Variants in LIPA observed in about 807,000 individuals in gnomAD.
The protein encoded by LIPA is lipase A, lysosomal acid type.
In LIPA, 26 loss-of-function variants were observed where a neutral mutation model predicts 40.6. The observed-to-expected ratio is 0.64, with a 90% CI of 0.47 to 0.89. LIPA has a LOEUF of 0.89. Among genes scored for constraint, LIPA ranks in the 40% least tolerant of loss-of-function variants. LIPA has a pLI of 0.00. For missense variants in LIPA, 455 were observed against 479.6 expected, an observed-to-expected ratio of 0.95 and a Z score of 0.48; for synonymous variants, 188 against 168.4, an observed-to-expected ratio of 1.12 and a Z score of -0.90.
At chr10:89,337,020 AT>A (rs1843752856) in intron 1 of LIPA, among the ~76,000 whole-genome samples, 1 of 152,320 alleles carries the variant, frequency 6.6e-6, no homozygotes, top group Admixed American at 6.5e-5. Context: ...AAATGAGTCC[AT>A]TTTGTTTGTT....
intron 3 of LIPA, among the ~76,000 whole-genome samples, chr10:89,236,487 T>A (rs568554871): frequency 1.3e-4 from 20 of 152,344 alleles, no homozygotes; most frequent in Admixed American, 1.2e-3. Context: ...AAACCTTGAA[T>A]AACACCATTG....
intron 2 of LIPA, among the ~76,000 whole-genome samples, chr10:89,370,745 TG>T (rs1164258580): frequency 6.6e-6 from 1 of 152,120 alleles, no homozygotes; most frequent in Non-Finnish European, 1.5e-5. Context: ...GGGCCAAGTG[TG>T]GTGGCTCATG....
At chr10:89,326,474 T>C (rs915148491) in intron 1 of LIPA, among the ~76,000 whole-genome samples, 1 of 152,172 alleles carries the variant, frequency 6.6e-6, no homozygotes, top group African/African-American at 2.4e-5. Flanking sequence ...GGATGGTTAA[T>C]GGGTACAAAA....
chr10:89,358,302 T>G (rs547503287), intron 2 of LIPA, among the ~76,000 whole-genome samples: 2 of 152,292 alleles, frequency 1.3e-5, no homozygotes, highest in East Asian at 3.9e-4. Context: ...CTGATGAGGA[T>G]GCAGAGAATG....
chr10:89,266,436 C>G (rs1432310046), intron 1 of LIPA, among the ~76,000 whole-genome samples: 1 of 152,170 alleles, frequency 6.6e-6, no homozygotes, highest in Non-Finnish European at 1.5e-5. Flanking sequence ...GTTCAGTGTA[C>G]ACAAACATTA....
At chr10:89,356,783 C>A (rs760410836) in intron 2 of LIPA, among the ~76,000 whole-genome samples, 33 of 152,206 alleles carry the variant, frequency 2.2e-4, no homozygotes, top group Non-Finnish European at 3.7e-4. Context: ...CTGAAACCAT[C>A]CCTGCCCAGT....
chr10:89,349,175 G>T (rs533152861), intron 2 of LIPA, among the ~76,000 whole-genome samples: 1 of 152,166 alleles, frequency 6.6e-6, no homozygotes, highest in Non-Finnish European at 1.5e-5. Flanking sequence ...CAACCAGGAA[G>T]ATTAAACTTG....
At chr10:89,236,707 A>G (rs904444946) in intron 3 of LIPA, among the ~76,000 whole-genome samples, 3 of 152,188 alleles carry the variant, frequency 2.0e-5, no homozygotes, top group African/African-American at 7.2e-5. Context: ...TGCAGCTATG[A>G]CAGCAAGTGC....
Position 89,214,811 on chromosome 10 carries a change from C to T in LIPA, c.*17G>A, listed in dbSNP as rs1481577679. 7.1e-6 allele frequency: 10 copies of T among 1,398,710 alleles called. No homozygotes were observed. Among genetic ancestry groups the T allele is most frequent in the African/African-American group, 1.4e-5 (1 of 70,600 alleles). The allele number at this position is 1,398,710 out of a possible 1,614,324, so 86.6% of individuals were successfully genotyped here. A position where few individuals can be genotyped will look rare whatever the true frequency, so the allele number is the denominator to read the frequency against. Reference sequence around the variant, plus strand: ...ACATAATCATTGACTTGGTGGTACACAGCTCAAGTCCAGCTTTCACTGATA... The same window carrying T: ...ACATAATCATTGACTTGGTGGTACATAGCTCAAGTCCAGCTTTCACTGATA... On this transcript the variant is annotated 3_prime_UTR_variant, in exon 10 of 10. Coordinates refer to ENST00000336233, the MANE Select transcript of LIPA (RefSeq NM_000235.4).
At chr10:89,366,542 G>C (rs891744424) in intron 2 of LIPA, among the ~76,000 whole-genome samples, 21 of 152,212 alleles carry the variant, frequency 1.4e-4, no homozygotes, top group African/African-American at 4.6e-4. Context: ...CTCAAAAGAA[G>C]ACATTTATGC....
intron 1 of LIPA, chr10:89,339,872 C>T (rs777496482): frequency 1.9e-6 from 3 of 1,614,096 alleles, no homozygotes; most frequent in African/African-American, 2.7e-5. Context: ...CAGAATGTAT[C>T]TGAAAATCTG....
chr10:89,241,901 T>A (rs1842969429), intron 3 of LIPA, among the ~76,000 whole-genome samples: 1 of 152,166 alleles, frequency 6.6e-6, no homozygotes, highest in African/African-American at 2.4e-5. Context: ...GATCACTGAA[T>A]CTGTAGTCAG....
chr10:89,276,370 A>T (rs928934767), intron 1 of LIPA, among the ~76,000 whole-genome samples: 3 of 152,234 alleles, frequency 2.0e-5, no homozygotes, highest in African/African-American at 7.2e-5. Context: ...ACATTTCTCA[A>T]CTTTTTCCAG....
intron 2 of LIPA, among the ~76,000 whole-genome samples, chr10:89,368,376 T>C (rs1206902203): frequency 6.6e-6 from 1 of 152,204 alleles, no homozygotes; most frequent in African/African-American, 2.4e-5. Context: ...TAAATTATGA[T>C]AGCTTTAGCC....
intron 1 of LIPA, among the ~76,000 whole-genome samples, chr10:89,282,540 T>C (rs2095049): frequency 0.26 from 40,197 of 151,822 alleles, 6,355 homozygotes; most frequent in East Asian, 0.68. Flanking sequence ...CTCAGGAGGC[T>C]GAGGCAGGAG....
At chr10:89,250,865 C>T (rs1432333130) in intron 1 of LIPA, among the ~76,000 whole-genome samples, 1 of 152,084 alleles carries the variant, frequency 6.6e-6, no homozygotes, top group Non-Finnish European at 1.5e-5. Flanking sequence ...GGAAAAAAAA[C>T]CTTCCAGGCT....
intron 1 of LIPA, among the ~76,000 whole-genome samples, chr10:89,271,898 A>C (rs1013084505): frequency 1.3e-5 from 2 of 151,064 alleles, no homozygotes; most frequent in African/African-American, 4.9e-5. Flanking sequence ...CCCCAACTCT[A>C]CAAAAAAAAA....
chr10:89,291,814 C>T (rs138813512), intron 1 of LIPA, among the ~76,000 whole-genome samples: 1 of 152,298 alleles, frequency 6.6e-6, no homozygotes, highest in Non-Finnish European at 1.5e-5. Context: ...AATATGAAGT[C>T]GTCACCAGGA....
At chr10:89,346,245 C>T (rs1026766457), upstream of LIPA, among the ~76,000 whole-genome samples, 35 of 152,258 alleles carry the variant, frequency 2.3e-4, no homozygotes, top group Middle Eastern at 6.8e-3. Flanking sequence ...ATACCCTTTA[C>T]GCAGCTTCCC....
Sources: gnomAD v4.1 joint callset for allele counts (sites outside exome capture counted in the v4.1 genomes callset) on GRCh38, gnomAD v4.1.1 for gene constraint, MANE v1.5 for transcripts, NCBI Gene and HGNC (gene_info 2026-07-23, HGNC 2026-07-21) for gene names.